FAM227B: variants seen among roughly 807,000 people sequenced by gnomAD.
The protein encoded by FAM227B is protein FAM227B.
Under a neutral mutation model 73.8 loss-of-function variants are expected in FAM227B, and 88 were observed. The ratio of observed to expected loss-of-function variants is 1.19; its 90% confidence interval spans 1.00 to 1.42. The LOEUF (loss-of-function observed/expected upper bound fraction) is 1.42, where lower values mean the gene tolerates loss of function less well. Ranked by LOEUF, FAM227B falls within the 40% of genes most tolerant of loss-of-function variation. FAM227B has a pLI of 0.00. For missense variants in FAM227B, 632 were observed against 590.9 expected, an observed-to-expected ratio of 1.07 and a Z score of -0.72; for synonymous variants, 210 against 190.5, an observed-to-expected ratio of 1.10 and a Z score of -0.84.
chr15:49,530,291 C>T (rs1335057257), intron 10 of FAM227B, among the ~76,000 whole-genome samples: 1 of 76,568 alleles, frequency 1.3e-5, no homozygotes, highest in Non-Finnish European at 3.1e-5. Flanking sequence ...TTAGGCCACT[C>T]CTATGGGTCT....
At chr15:49,505,869 C>A (rs1397387664) in intron 11 of FAM227B, among the ~76,000 whole-genome samples, 1 of 151,680 alleles carries the variant, frequency 6.6e-6, no homozygotes, top group African/African-American at 2.4e-5. Flanking sequence ...AATAAAAAAA[C>A]AAGACTCAAC....
rs566013776 is a variant in FAM227B at position 49,459,758 on chromosome 15, T to C, written c.1012+48453A>G. ...CATGACATAAGCTGTGCTTGAGACT[T>C]GTAGCTGGTGGTGTGCTGGAGATGG... On this transcript the variant is annotated intron_variant, in intron 11 of 15. Transcript: ENST00000299338. Among the ~76,000 whole-genome samples, 248 of 152,254 alleles carry C rather than the reference T, an allele frequency of 1.6e-3. 1 individual carries two copies. The highest frequency in any genetic ancestry group is 2.7e-3 in the Non-Finnish European group (184 of 68,024).
chr15:49,466,294 G>A (rs2054260755), intron 11 of FAM227B, among the ~76,000 whole-genome samples: 2 of 152,154 alleles, frequency 1.3e-5, no homozygotes, highest in African/African-American at 4.8e-5. Flanking sequence ...CAGTCCATGA[G>A]GCAATATTTG....
At chr15:49,533,758 C>A (rs865867465) in intron 10 of FAM227B, among the ~76,000 whole-genome samples, 1 of 151,792 alleles carries the variant, frequency 6.6e-6, no homozygotes, top group Admixed American at 6.6e-5. Flanking sequence ...CTAAGTGCAA[C>A]CTCAAAGCTG....
intron 9 of FAM227B, 110 bp downstream of exon 9, chr15:49,568,135 C>T: frequency 1.0e-6 from 1 of 953,910 alleles, no homozygotes; most frequent in Non-Finnish European, 1.5e-6. Flanking sequence ...ACCAACTTTG[C>T]TTTCAAAAGT....
intron 5 of FAM227B, among the ~76,000 whole-genome samples, chr15:49,584,050 A>G (rs992798824): frequency 1.3e-5 from 2 of 152,114 alleles, no homozygotes; most frequent in African/African-American, 4.8e-5. Flanking sequence ...CCGGGCAGAG[A>G]TAACAACAAA....
intron 3 of FAM227B, among the ~76,000 whole-genome samples, chr15:49,603,974 A>G (rs1317583929): frequency 6.6e-6 from 1 of 152,128 alleles, no homozygotes; most frequent in East Asian, 1.9e-4. Context: ...TGTATGTTGA[A>G]CCATCCCTGC....
intron 11 of FAM227B, among the ~76,000 whole-genome samples, chr15:49,413,260 G>A (rs188886932): frequency 4.1e-4 from 63 of 152,132 alleles, no homozygotes; most frequent in African/African-American, 1.4e-3. Context: ...TAGTGAATAA[G>A]TCTTACGAGA....
intron 9 of FAM227B, among the ~76,000 whole-genome samples, chr15:49,554,788 G>A (rs1344970754): frequency 1.3e-5 from 2 of 152,142 alleles, no homozygotes; most frequent in Non-Finnish European, 2.9e-5. Flanking sequence ...TTTTATGAAG[G>A]TGTTTTTTTC....
intron 10 of FAM227B, among the ~76,000 whole-genome samples, chr15:49,534,569 C>CAG (rs34260484): frequency 0.7 from 106,061 of 151,214 alleles, 37,478 homozygotes; most frequent in East Asian, 0.93. Context: ...ATTAAGAAGA[C>CAG]AAGATTAATA....
chr15:49,397,945 A>G (rs1165975928), intron 11 of FAM227B, among the ~76,000 whole-genome samples: 1 of 152,090 alleles, frequency 6.6e-6, no homozygotes, highest in East Asian at 1.9e-4. Flanking sequence ...TCAACTAACC[A>G]GCAAAATAAC....
intron 5 of FAM227B, among the ~76,000 whole-genome samples, chr15:49,585,548 T>C (rs2076099133): frequency 6.6e-6 from 1 of 152,198 alleles, no homozygotes. Context: ...TGTAGGGACA[T>C]GGATGAAGAT....
intron 11 of FAM227B, among the ~76,000 whole-genome samples, chr15:49,458,320 T>A (rs2053501920): frequency 6.6e-6 from 1 of 152,076 alleles, no homozygotes; most frequent in Non-Finnish European, 1.5e-5. Flanking sequence ...TAAATAGTCA[T>A]AATCCACAAA....
intron 11 of FAM227B, among the ~76,000 whole-genome samples, chr15:49,477,342 T>G (rs542964789): frequency 1.3e-5 from 2 of 152,348 alleles, no homozygotes; most frequent in South Asian, 4.1e-4. Flanking sequence ...TCATCCTTTT[T>G]CTGCTCTCCT....
chr15:49,363,444 G>A (rs2044596462), intron 13 of FAM227B, among the ~76,000 whole-genome samples: 1 of 152,110 alleles, frequency 6.6e-6, no homozygotes, highest in Admixed American at 6.6e-5. Context: ...TGGTATATGG[G>A]AATGCTATTG....
chr15:49,438,638 T>C (rs2051328892), intron 11 of FAM227B, among the ~76,000 whole-genome samples: 1 of 151,738 alleles, frequency 6.6e-6, no homozygotes, highest in African/African-American at 2.4e-5. Flanking sequence ...AATAATACTG[T>C]ATCATATATT....
chr15:49,523,127 C>T (rs1006604685), intron 10 of FAM227B, among the ~76,000 whole-genome samples: 6 of 152,340 alleles, frequency 3.9e-5, no homozygotes, highest in Middle Eastern at 3.4e-3. Context: ...TAACAGCAGA[C>T]TTCTAAGCAG....
chr15:49,508,329 G>GC lies in FAM227B; in HGVS notation c.893dup (p.Phe299LeufsTer18). On this transcript the variant is annotated frameshift_variant, in exon 11 of 16. Coordinates refer to ENST00000299338, the MANE Select transcript of FAM227B (RefSeq NM_152647.3). LOFTEE classifies it high-confidence loss of function. ...CTTTCAGTTTCCAGTGGATCCAAAAGCCTTTTTGAGGTTTTAAACCTGTTA... is the reference window on the plus strand; with the variant it reads ...CTTTCAGTTTCCAGTGGATCCAAAAGCCCTTTTTGAGGTTTTAAACCTGTTA... 1 of 1,600,210 alleles carries GC rather than the reference G, an allele frequency of 6.2e-7. No homozygotes were observed. The highest frequency in any genetic ancestry group is 8.5e-7 in the Non-Finnish European group (1 of 1,175,542).
At chr15:49,396,028 A>G (rs961320946) in intron 11 of FAM227B, 3 of 454,710 alleles carry the variant, frequency 6.6e-6, no homozygotes, top group African/African-American at 6.0e-5. Flanking sequence ...TCCGGTCTAC[A>G]GCTCCCAGCG....
Sources: allele counts gnomAD v4.1 joint callset (sites outside exome capture counted in the v4.1 genomes callset), GRCh38; gene constraint gnomAD v4.1.1; transcripts MANE v1.5; gene names NCBI Gene and HGNC (gene_info 2026-07-23, HGNC 2026-07-21).